The following ATP8B4 variants were observed in gnomAD, a reference collection of about 807,000 sequenced individuals.
ATP8B4 encodes probable phospholipid-transporting ATPase IM.
A neutral mutation model predicts 145.6 loss-of-function variants in ATP8B4; 133 were observed. The ratio of observed to expected loss-of-function variants is 0.91; its 90% CI spans 0.79 to 1.05. The LOEUF is 1.05. Among genes scored for constraint, ATP8B4 ranks in the 50% least tolerant of loss-of-function variants. The pLI, the probability that ATP8B4 is intolerant of heterozygous loss-of-function variation, is 0.00. For missense variants in ATP8B4, 1,458 were observed against 1,425.2 expected, an observed-to-expected ratio of 1.02 and a Z score of -0.37; for synonymous variants, 507 against 492.9, an observed-to-expected ratio of 1.03 and a Z score of -0.38.
chr15:50,153,661 A>G (rs1458199053), intron 1 of ATP8B4, among the ~76,000 whole-genome samples: 6 of 152,206 alleles, frequency 3.9e-5, no homozygotes, highest in African/African-American at 1.4e-4. Flanking sequence ...GGGGAGAAAG[A>G]GCTGAAGGCA....
chr15:49,934,425 G>A (rs575084264), intron 14 of ATP8B4, among the ~76,000 whole-genome samples: 1 of 152,060 alleles, frequency 6.6e-6, no homozygotes, highest in African/African-American at 2.4e-5. Context: ...TATATGGGAT[G>A]GCTGTACAGA....
intron 2 of ATP8B4, among the ~76,000 whole-genome samples, chr15:50,087,026 T>C (rs1170950542): frequency 1.5e-4 from 17 of 116,006 alleles, no homozygotes; most frequent in African/African-American, 5.5e-4. Context: ...TTATTATATA[T>C]AATAAAATAA....
chr15:50,156,091 TAAATATATATATATAAATATATATATAA>T (rs1567410513), intron 1 of ATP8B4, among the ~76,000 whole-genome samples: 2 of 59,454 alleles, frequency 3.4e-5, no homozygotes, highest in Non-Finnish European at 5.8e-5. Context: ...TATATATATA[TAAATATATATATATAAATATATATATAA>T]ATATATTTAT....
At chr15:50,120,774 CAA>C (rs777774954), upstream of ATP8B4, among the ~76,000 whole-genome samples, 1 of 152,044 alleles carries the variant, frequency 6.6e-6, no homozygotes, top group Non-Finnish European at 1.5e-5. Context: ...TATATTGATA[CAA>C]AAGAGTACTA....
At chr15:49,990,797 C>A (rs1275664310) in intron 9 of ATP8B4, among the ~76,000 whole-genome samples, 1 of 152,162 alleles carries the variant, frequency 6.6e-6, no homozygotes, top group Non-Finnish European at 1.5e-5. Context: ...ATCTGTACTG[C>A]AACTCTTCCA....
chr15:49,962,064 A>G lies in ATP8B4; in HGVS notation c.1244-44T>C, dbSNP rs757295409. ...AGAATTAAAAGTAAGTGAAACCGAAATTAGAATTAGACATTTAGTTTTAAG... is the reference window on the plus strand; with the variant it reads ...AGAATTAAAAGTAAGTGAAACCGAAGTTAGAATTAGACATTTAGTTTTAAG... On this transcript the variant is annotated intron_variant, in intron 13 of 27. Coordinates refer to ENST00000284509, the MANE Select transcript of ATP8B4 (RefSeq NM_024837.4). 4 of 1,429,148 alleles carry G rather than the reference A, an allele frequency of 2.8e-6. 1 individual carries two copies. In the Admixed American group the frequency reaches 8.4e-5, roughly 30 times the overall value. 88.5% of individuals were successfully genotyped at this position (1,429,148 alleles called of 1,614,324 possible). A position where few individuals can be genotyped will look rare whatever the true frequency, so the allele number is the denominator to read the frequency against.
chr15:50,137,790 G>A (rs1408535276), intron 1 of ATP8B4, among the ~76,000 whole-genome samples: 1 of 152,160 alleles, frequency 6.6e-6, no homozygotes, highest in African/African-American at 2.4e-5. Context: ...TCATCTTGAA[G>A]ATGAGCTGAT....
chr15:50,099,198 A>C (rs963006927), intron 2 of ATP8B4, among the ~76,000 whole-genome samples: 5 of 152,206 alleles, frequency 3.3e-5, no homozygotes, highest in Non-Finnish European at 7.3e-5. Flanking sequence ...ATATTTCTAA[A>C]CTAATGAGAT....
At chr15:49,971,526 A>T (rs1255816563) in intron 13 of ATP8B4, among the ~76,000 whole-genome samples, 1 of 152,242 alleles carries the variant, frequency 6.6e-6, no homozygotes, top group Non-Finnish European at 1.5e-5. Flanking sequence ...AAAAAAGCTC[A>T]TCATCACTGG....
At chr15:50,029,709 G>A (rs2061814467) in intron 6 of ATP8B4, among the ~76,000 whole-genome samples, 1 of 152,168 alleles carries the variant, frequency 6.6e-6, no homozygotes, top group East Asian at 1.9e-4. Context: ...GTGTGGAGAA[G>A]CAGAGAGGAA....
At chr15:50,085,840 A>T (rs933701919) in intron 2 of ATP8B4, among the ~76,000 whole-genome samples, 10 of 110,028 alleles carry the variant, frequency 9.1e-5, no homozygotes, top group Non-Finnish European at 1.4e-4. Context: ...TATGATATAG[A>T]TTATTTTATT....
intron 23 of ATP8B4, among the ~76,000 whole-genome samples, chr15:49,891,317 TTTGTTTGTTTG>T (rs1209010482): frequency 6.6e-6 from 1 of 151,306 alleles, no homozygotes; most frequent in East Asian, 1.9e-4. Flanking sequence ...TAAATACAAG[TTTGTTTGTTTG>T]TTGTTTGTTT....
rs1301747360 is a variant in ATP8B4 at position 49,978,775 on chromosome 15, CACACACACACAT to C, written c.1034+830_1034+841del. On this transcript the variant is annotated intron_variant, in intron 12 of 27. Coordinates refer to ENST00000284509, the MANE Select transcript of ATP8B4 (RefSeq NM_024837.4). ...ACACACACACACACACACACACACA[CACACACACACAT>C]GCATACATATGTATATAAATAAAGA... Among the ~76,000 whole-genome samples the C allele has an allele frequency of 1.6e-4, 23 of 147,702 alleles. No individual in the cohort carries two copies. In the East Asian group the frequency reaches 3.0e-3, roughly 19 times the overall value.
At chr15:49,868,633 GAATTA>G (rs1368163104) in intron 25 of ATP8B4, among the ~76,000 whole-genome samples, 3 of 152,106 alleles carry the variant, frequency 2.0e-5, no homozygotes, top group African/African-American at 4.8e-5. Context: ...TAACATCCTG[GAATTA>G]AATTCTAAAT....
chr15:50,164,027 G>A (rs1264074616), intron 1 of ATP8B4, among the ~76,000 whole-genome samples: 1 of 152,156 alleles, frequency 6.6e-6, no homozygotes, highest in African/African-American at 2.4e-5. Context: ...CTTCTGGGCA[G>A]TGGGCTCCCC....
At chr15:50,173,265 T>C (rs1183797397) in intron 1 of ATP8B4, among the ~76,000 whole-genome samples, 1 of 152,132 alleles carries the variant, frequency 6.6e-6, no homozygotes. Flanking sequence ...GGGGGAAATG[T>C]GGGGAAAAGA....
At chr15:49,940,069 T>C (rs1410622467) in intron 14 of ATP8B4, among the ~76,000 whole-genome samples, 1 of 152,130 alleles carries the variant, frequency 6.6e-6, no homozygotes, top group Non-Finnish European at 1.5e-5. Flanking sequence ...AGAAAATAAA[T>C]TGTTCTGCCG....
chr15:50,132,105 C>T (rs950852772), intron 1 of ATP8B4, among the ~76,000 whole-genome samples: 4 of 151,966 alleles, frequency 2.6e-5, no homozygotes, highest in Non-Finnish European at 2.9e-5. Context: ...TTGGCACCCC[C>T]GAAACCAACT....
intron 13 of ATP8B4, among the ~76,000 whole-genome samples, chr15:49,967,820 C>G (rs2044695498): frequency 6.6e-6 from 1 of 152,098 alleles, no homozygotes; most frequent in Non-Finnish European, 1.5e-5. Flanking sequence ...GACACATACT[C>G]ATCAGATTCA....
Sources: allele counts gnomAD v4.1 joint callset (sites outside exome capture counted in the v4.1 genomes callset), GRCh38; gene constraint gnomAD v4.1.1; transcripts MANE v1.5; gene names NCBI Gene and HGNC (gene_info 2026-07-23, HGNC 2026-07-21).